ENTPD1: variants seen among roughly 807,000 people sequenced by gnomAD.
The protein encoded by ENTPD1 is ATP diphosphohydrolase.
A neutral mutation model predicts 57.0 loss-of-function variants in ENTPD1; 33 were observed. That is an observed-to-expected ratio of 0.58 (90% CI 0.44 to 0.77). ENTPD1 has a LOEUF of 0.77. ENTPD1 is among the 30% of genes least tolerant of loss of function. ENTPD1 has a pLI of 0.00. For synonymous variants in ENTPD1, 202 were observed against 218.8 expected (o/e 0.92, Z 0.68); for missense variants, 501 against 603.4 (o/e 0.83, Z 1.78).
chr10:95,808,658 A>G (rs2098282730), intron 1 of ENTPD1, among the ~76,000 whole-genome samples: 1 of 151,910 alleles, frequency 6.6e-6, no homozygotes, highest in Non-Finnish European at 1.5e-5. Flanking sequence ...TTGAGTCCAC[A>G]TGCCAAGGCA....
At chr10:95,842,552 C>T in intron 4 of ENTPD1, 58 bp downstream of exon 4, 2 of 1,579,040 alleles carry the variant, frequency 1.3e-6, no homozygotes, top group South Asian at 1.1e-5. Flanking sequence ...AGTGAAAGAG[C>T]CTCTGAAGTT....
chr10:95,845,054 G>A (rs1400663320), intron 5 of ENTPD1, among the ~76,000 whole-genome samples: 1 of 152,162 alleles, frequency 6.6e-6, no homozygotes, highest in Non-Finnish European at 1.5e-5. Flanking sequence ...AGGGTAATTA[G>A]TCTGCCCATG....
intron 1 of ENTPD1, among the ~76,000 whole-genome samples, chr10:95,779,257 T>C (rs1051469164): frequency 1.3e-5 from 2 of 152,340 alleles, no homozygotes; most frequent in Non-Finnish European, 2.9e-5. Context: ...AGATAGTCCC[T>C]CAAATATTTG....
At chr10:95,703,090 C>T in the ENTPD1 span, among the ~76,000 whole-genome samples, 5 of 152,042 alleles carry the variant, frequency 3.3e-5, no homozygotes, top group African/African-American at 1.2e-4. Context: ...CGGCCTACAC[C>T]TGACTTTTCA....
chr10:95,757,611 A>C (rs759896518), intron 1 of ENTPD1, among the ~76,000 whole-genome samples: 1 of 152,166 alleles, frequency 6.6e-6, no homozygotes, highest in Non-Finnish European at 1.5e-5. Flanking sequence ...GCCATTCTCT[A>C]TGAGAAGCAG....
intron 5 of ENTPD1, 56 bp downstream of exon 5, chr10:95,844,691 A>G: frequency 6.2e-7 from 1 of 1,606,642 alleles, no homozygotes; most frequent in East Asian, 2.2e-5. Context: ...TGCCATTGCT[A>G]TCTCAGGCAG....
intron 1 of ENTPD1, among the ~76,000 whole-genome samples, chr10:95,775,638 G>A (rs1490018427): frequency 2.6e-5 from 4 of 152,132 alleles, no homozygotes; most frequent in Non-Finnish European, 5.9e-5. Flanking sequence ...GGAGAGTTCT[G>A]TAGATGTCTA....
chr10:95,776,417 T>A (rs1268019239), intron 1 of ENTPD1, among the ~76,000 whole-genome samples: 1 of 152,230 alleles, frequency 6.6e-6, no homozygotes, highest in Non-Finnish European at 1.5e-5. Flanking sequence ...TGGCTGGATA[T>A]GAAATTATGG....
Position 95,867,775 on chromosome 10 carries a change from G to T in ENTPD1, c.*1392G>T. 4 of 985,428 alleles carry T rather than the reference G, an allele frequency of 4.1e-6. No individual in the cohort carries two copies. Among genetic ancestry groups the T allele is most frequent in the Non-Finnish European group, 3.6e-6 (3 of 829,928 alleles). 61.0% of individuals were successfully genotyped at this position (985,428 alleles called of 1,614,324 possible). A position where few individuals can be genotyped will look rare whatever the true frequency, so the allele number is the denominator to read the frequency against. ...CAAGCTCTCCATCTCTAGATCTGGGGACTGACTGTTGAGCTGATGGGGAAA... is the reference window on the plus strand; with the variant it reads ...CAAGCTCTCCATCTCTAGATCTGGGTACTGACTGTTGAGCTGATGGGGAAA... On this transcript the variant is annotated 3_prime_UTR_variant, in exon 10 of 10. Transcript: ENST00000371205.
upstream of ENTPD1, among the ~76,000 whole-genome samples, chr10:95,751,072 G>A (rs978316674): frequency 2.6e-5 from 4 of 152,090 alleles, no homozygotes; most frequent in Admixed American, 2.0e-4. Context: ...TATGGGTCCT[G>A]GAATTAGATT....
intron 1 of ENTPD1, among the ~76,000 whole-genome samples, chr10:95,796,541 C>G (rs2098226824): frequency 6.6e-6 from 1 of 152,104 alleles, no homozygotes; most frequent in Non-Finnish European, 1.5e-5. Context: ...GAGACCAACA[C>G]CTTAATACAC....
intron 1 of ENTPD1, among the ~76,000 whole-genome samples, chr10:95,799,592 G>T (rs1048226453): frequency 6.6e-6 from 1 of 152,072 alleles, no homozygotes; most frequent in Non-Finnish European, 1.5e-5. Flanking sequence ...TGTGAATAGT[G>T]CTGCAGTGAA....
chr10:95,803,842 C>G (rs957974131), intron 1 of ENTPD1, among the ~76,000 whole-genome samples: 8 of 152,326 alleles, frequency 5.3e-5, no homozygotes, highest in African/African-American at 1.9e-4. Flanking sequence ...TTAGGTCTAA[C>G]ATTTAAGTCT....
chr10:95,839,693 T>C lies in ENTPD1; in HGVS notation c.147T>C (p.Tyr49=). 2 of 1,614,136 alleles carry C rather than the reference T, an allele frequency of 1.2e-6. No homozygotes were observed. The highest frequency in any genetic ancestry group is 1.1e-5 in the South Asian group (1 of 91,078). The change falls in exon 3 of 10, where the codon TAT becomes TAC. Residue 49 remains tyrosine (Y), a splice_region_variant and synonymous_variant. Transcript: ENST00000371205. The part of the protein sequence containing the change: ...QNKALPENVK[Y]GIVLDAGSSH... Reference sequence around the variant, plus strand: ...TTTTTGGTCTGTGTTGCTTTCAGTATGGGATTGTGCTGGATGCGGGTTCTT... The same window carrying C: ...TTTTTGGTCTGTGTTGCTTTCAGTACGGGATTGTGCTGGATGCGGGTTCTT...
At chr10:95,800,402 A>AT (rs1448265274) in intron 1 of ENTPD1, among the ~76,000 whole-genome samples, 1 of 152,148 alleles carries the variant, frequency 6.6e-6, no homozygotes, top group Non-Finnish European at 1.5e-5. Flanking sequence ...CAAAATTAGA[A>AT]TTACTGATGA....
intron 1 of ENTPD1, among the ~76,000 whole-genome samples, chr10:95,724,203 C>CCT: frequency 6.7e-6 from 1 of 150,208 alleles, no homozygotes; most frequent in Non-Finnish European, 1.5e-5. Flanking sequence ...TCCCAGATAG[C>CCT]CTCACACCTG....
chr10:95,800,367 G>T (rs1356771446), intron 1 of ENTPD1, among the ~76,000 whole-genome samples: 2 of 152,116 alleles, frequency 1.3e-5, no homozygotes, highest in Non-Finnish European at 2.9e-5. Context: ...ATGCTTCAAA[G>T]AGCAATAAAG....
upstream of ENTPD1, chr10:95,755,512 G>GC: frequency 1.7e-6 from 1 of 605,530 alleles, no homozygotes; most frequent in South Asian, 2.1e-5. Flanking sequence ...AAGGTAGGAA[G>GC]TCAAAGTTGG....
chr10:95,822,164 T>C (rs1251217389), intron 1 of ENTPD1, among the ~76,000 whole-genome samples: 1 of 151,516 alleles, frequency 6.6e-6, no homozygotes, highest in African/African-American at 2.4e-5. Flanking sequence ...CATGCCCATC[T>C]AATTTTTGTA....
Sources: allele counts gnomAD v4.1 joint callset (sites outside exome capture counted in the v4.1 genomes callset), GRCh38; gene constraint gnomAD v4.1.1; transcripts MANE v1.5; gene names NCBI Gene and HGNC (gene_info 2026-07-23, HGNC 2026-07-21).